Variants in PRR16 observed in about 807,000 individuals in gnomAD.
PRR16 encodes the protein proline rich 16, also known as protein Largen.
In PRR16, 6 loss-of-function variants were observed where a neutral mutation model predicts 18.2. That is an observed-to-expected ratio of 0.33 (90% confidence interval 0.18 to 0.65). The LOEUF (loss-of-function observed/expected upper bound fraction) is 0.65, where lower values mean the gene tolerates loss of function less well. PRR16 is among the 30% of genes least tolerant of loss of function. PRR16 has a pLI of 0.74. For synonymous variants in PRR16, 151 were observed against 147.8 expected, an observed-to-expected ratio of 1.02 and a Z score of -0.16; for missense variants, 412 against 376.6, an observed-to-expected ratio of 1.09 and a Z score of -0.78.
intron 1 of PRR16, among the ~76,000 whole-genome samples, chr5:120,504,823 A>G (rs1280643079): frequency 3.3e-5 from 5 of 152,146 alleles, no homozygotes; most frequent in African/African-American, 9.7e-5. Context: ...AAAGAGTCGC[A>G]TACCCTGGGA....
intron 1 of PRR16, among the ~76,000 whole-genome samples, chr5:120,563,642 C>T (rs1448513407): frequency 1.3e-5 from 2 of 152,166 alleles, no homozygotes; most frequent in Non-Finnish European, 2.9e-5. Flanking sequence ...GCCAGTGTGA[C>T]CTCTGCCCTG....
chr5:120,497,417 G>A (rs1395872448), intron 1 of PRR16, among the ~76,000 whole-genome samples: 1 of 124,092 alleles, frequency 8.1e-6, no homozygotes, highest in Non-Finnish European at 1.6e-5. Flanking sequence ...TGGAGATGGA[G>A]TCTCACGCTA....
chr5:120,478,506 GT>G (rs1338994048), intron 1 of PRR16, among the ~76,000 whole-genome samples: 1 of 152,068 alleles, frequency 6.6e-6, no homozygotes, highest in African/African-American at 2.4e-5. Flanking sequence ...ATAGTTCTGA[GT>G]TTTTAAAAAA....
At chr5:120,660,927 T>C (rs1370817909) in intron 1 of PRR16, among the ~76,000 whole-genome samples, 1 of 152,120 alleles carries the variant, frequency 6.6e-6, no homozygotes, top group Non-Finnish European at 1.5e-5. Flanking sequence ...TGCTTTTTTA[T>C]TTGTGTGTTT....
At chr5:120,782,169 G>A in the PRR16 span, among the ~76,000 whole-genome samples, 1 of 152,106 alleles carries the variant, frequency 6.6e-6, no homozygotes, top group Non-Finnish European at 1.5e-5. Context: ...GGACTTTAAT[G>A]TAAAAGTTTG....
Position 120,686,823 on chromosome 5 carries a change from A to G in PRR16, c.*114A>G. ...GCCCAAATATATTAATCCTGCATTC[A>G]GCAAAGTGGCATAAAAATCACCTGG... is the stretch of plus-strand genomic sequence containing the variant. On this transcript the variant is annotated 3_prime_UTR_variant, in exon 2 of 2. Coordinates refer to ENST00000407149, the MANE Select transcript of PRR16 (RefSeq NM_001300783.2). 3.5e-6 allele frequency: 3 copies of G among 864,454 alleles called. No homozygotes were observed. The highest frequency in any genetic ancestry group is 4.8e-6 in the Non-Finnish European group (3 of 624,738). The allele number at this position is 864,454 out of a possible 1,614,324, so 53.5% of individuals were successfully genotyped here.
chr5:120,548,742 G>T (rs185110042), intron 1 of PRR16, among the ~76,000 whole-genome samples: 1 of 152,120 alleles, frequency 6.6e-6, no homozygotes, highest in African/African-American at 2.4e-5. Context: ...ATGTATCATT[G>T]TGAAGGCGTC....
At chr5:120,560,912 A>G (rs1452437868) in intron 1 of PRR16, among the ~76,000 whole-genome samples, 1 of 152,108 alleles carries the variant, frequency 6.6e-6, no homozygotes, top group Non-Finnish European at 1.5e-5. Context: ...GTTTATTGGC[A>G]TATAGTTGTA....
intron 1 of PRR16, among the ~76,000 whole-genome samples, chr5:120,552,254 A>G (rs1287673834): frequency 1.3e-5 from 2 of 151,850 alleles, no homozygotes; most frequent in Non-Finnish European, 2.9e-5. Flanking sequence ...ATTGGGAGGT[A>G]TTTCTTTTTT....
At chr5:120,510,544 A>G (rs1750794494) in intron 1 of PRR16, among the ~76,000 whole-genome samples, 2 of 152,206 alleles carry the variant, frequency 1.3e-5, no homozygotes. Context: ...TGGCATCTGT[A>G]TTCACATGTT....
intron 1 of PRR16, among the ~76,000 whole-genome samples, chr5:120,603,083 G>A (rs1291743134): frequency 6.6e-6 from 1 of 152,042 alleles, no homozygotes; most frequent in Non-Finnish European, 1.5e-5. Flanking sequence ...TTCATAGAAT[G>A]AGGTGGGGAG....
At position 120,522,187 on chromosome 5, in the gene PRR16, A is replaced by C. The variant is rs190097972; in HGVS notation, c.159+57542A>C. Among the ~76,000 whole-genome samples, 518 of 152,378 alleles carry C rather than the reference A, an allele frequency of 3.4e-3. 5 individuals carry two copies. The highest frequency in any genetic ancestry group is 0.012 in the African/African-American group (483 of 41,594). On this transcript the variant is annotated intron_variant, in intron 1 of 1. Transcript: ENST00000407149. ...TTTATAATCCTTTGGGTATATACCCAGTAATGAGATGGCTGAGTCAAATGG... is the reference window on the plus strand; with the variant it reads ...TTTATAATCCTTTGGGTATATACCCCGTAATGAGATGGCTGAGTCAAATGG...
At chr5:120,765,118 A>AAAAG in the PRR16 span, among the ~76,000 whole-genome samples, 2 of 152,044 alleles carry the variant, frequency 1.3e-5, no homozygotes, top group Admixed American at 1.3e-4. Context: ...ATAACACCAT[A>AAAAG]AAAGAGAACA....
intron 1 of PRR16, among the ~76,000 whole-genome samples, chr5:120,538,028 G>A (rs1007745797): frequency 2.0e-5 from 3 of 151,890 alleles, no homozygotes; most frequent in East Asian, 1.9e-4. Context: ...CGCCCGCCTC[G>A]GCCTCCCAAA....
At chr5:120,743,456 G>A in the PRR16 span, among the ~76,000 whole-genome samples, 1 of 151,818 alleles carries the variant, frequency 6.6e-6, no homozygotes, top group Non-Finnish European at 1.5e-5. Context: ...ATAGTGTTGG[G>A]TTAAATTTTC....
intron 1 of PRR16, among the ~76,000 whole-genome samples, chr5:120,591,034 C>T (rs1753617907): frequency 6.6e-6 from 1 of 151,880 alleles, no homozygotes; most frequent in Non-Finnish European, 1.5e-5. Context: ...AATCCCAGCA[C>T]TTTGGGAGGC....
In PRR16 at chr5:120,646,051, TATATATA is replaced by T. The variant is rs1561591319; in HGVS notation, c.160-39902_160-39896del. On this transcript the variant is annotated intron_variant, in intron 1 of 1. Coordinates refer to ENST00000407149, the MANE Select transcript of PRR16 (RefSeq NM_001300783.2). Reference sequence around the variant, plus strand: ...ATTACAAAAAAAAATACATATTTTATATATATATATATATATATATATATCATAGTTT... The same window carrying T: ...ATTACAAAAAAAAATACATATTTTATTATATATATATATATATCATAGTTT... 4.5e-4 allele frequency among the ~76,000 whole-genome samples: 44 copies of T among 98,048 alleles called. 1 individual carries two copies. The highest frequency in any genetic ancestry group is 2.7e-3 in the South Asian group (9 of 3,306). The allele number at this position is 98,048 out of a possible 152,430, so 64.3% of individuals were successfully genotyped here.
chr5:120,606,904 TA>T (rs34216613), intron 1 of PRR16, among the ~76,000 whole-genome samples: 6,961 of 149,256 alleles, frequency 0.047, 209 homozygotes, highest in Non-Finnish European at 0.066. Flanking sequence ...GACCCTTTCT[TA>T]AAAAAAAAAA....
intron 1 of PRR16, among the ~76,000 whole-genome samples, chr5:120,677,451 G>T (rs1756835206): frequency 6.6e-6 from 1 of 152,112 alleles, no homozygotes; most frequent in Non-Finnish European, 1.5e-5. Context: ...AAATAGTTAG[G>T]GGAAGGTAGT....
Sources: allele counts gnomAD v4.1 joint callset (sites outside exome capture counted in the v4.1 genomes callset), GRCh38; gene constraint gnomAD v4.1.1; transcripts MANE v1.5; gene names NCBI Gene and HGNC (gene_info 2026-07-23, HGNC 2026-07-21).